The following SLC44A5 variants were observed in gnomAD, a reference collection of about 807,000 sequenced individuals.
SLC44A5 encodes solute carrier family 44 member 5, also known as choline transporter-like protein 5.
In SLC44A5, 57 loss-of-function variants were observed where a neutral mutation model predicts 101.8. That is an observed-to-expected ratio of 0.56 (90% CI 0.45 to 0.70). The LOEUF (loss-of-function observed/expected upper bound fraction) is 0.70, where lower values mean the gene tolerates loss of function less well. Among genes scored for constraint, SLC44A5 ranks in the 30% least tolerant of loss-of-function variants. SLC44A5 has a pLI of 0.00. For missense variants in SLC44A5, 737 were observed against 853.1 expected (o/e 0.86, Z 1.70); for synonymous variants, 281 against 290.9 (o/e 0.97, Z 0.35).
At chr1:75,631,539 ATT>A in the SLC44A5 span, among the ~76,000 whole-genome samples, 424 of 80,810 alleles carry the variant, frequency 5.2e-3, 2 homozygotes, top group African/African-American at 0.021. Flanking sequence ...CACCTGGCTA[ATT>A]TTTTTTTTTT....
chr1:75,658,281 G>T, the SLC44A5 span, among the ~76,000 whole-genome samples: 2 of 151,800 alleles, frequency 1.3e-5, no homozygotes, highest in Admixed American at 1.3e-4. Flanking sequence ...TCACCATGTT[G>T]CCCGAGCTGG....
intron 3 of SLC44A5, among the ~76,000 whole-genome samples, chr1:75,345,234 G>A (rs1347520724): frequency 6.6e-6 from 1 of 151,994 alleles, no homozygotes; most frequent in Non-Finnish European, 1.5e-5. Flanking sequence ...TAATGTCAAG[G>A]CAAGTAGAAG....
chr1:75,606,159 C>A (rs1295789761), intron 1 of SLC44A5, among the ~76,000 whole-genome samples: 1 of 151,880 alleles, frequency 6.6e-6, no homozygotes, highest in Non-Finnish European at 1.5e-5. Flanking sequence ...TGGACTGCCA[C>A]AGTCAGCAAC....
the SLC44A5 span, among the ~76,000 whole-genome samples, chr1:75,709,452 C>T: frequency 6.6e-6 from 1 of 152,188 alleles, no homozygotes; most frequent in Non-Finnish European, 1.5e-5. Flanking sequence ...GTTCAAAATA[C>T]TCACATCGCC....
At chr1:75,627,123 G>T in the SLC44A5 span, among the ~76,000 whole-genome samples, 1 of 152,044 alleles carries the variant, frequency 6.6e-6, no homozygotes, top group Non-Finnish European at 1.5e-5. Flanking sequence ...AGAAGTAATG[G>T]TTCCCTTTGT....
intron 22 of SLC44A5, 52 bp from the exon 23 acceptor site, chr1:75,211,604 A>G: frequency 7.7e-7 from 1 of 1,290,494 alleles, no homozygotes; most frequent in African/African-American, 1.5e-5. Context: ...TGACCAGAAG[A>G]AGAATAATGC....
chr1:75,273,466 G>T (rs184991871), intron 6 of SLC44A5, among the ~76,000 whole-genome samples: 32 of 152,090 alleles, frequency 2.1e-4, no homozygotes, highest in Admixed American at 2.1e-3. Flanking sequence ...GTTCTCAGGG[G>T]GAATGCTTTC....
At chr1:75,660,311 TG>T in the SLC44A5 span, among the ~76,000 whole-genome samples, 1 of 152,128 alleles carries the variant, frequency 6.6e-6, no homozygotes, top group Non-Finnish European at 1.5e-5. Context: ...TTTGACAAAC[TG>T]GATATAGAAG....
intron 3 of SLC44A5, among the ~76,000 whole-genome samples, chr1:75,375,304 CAAAT>C (rs966403769): frequency 3.3e-5 from 5 of 152,152 alleles, no homozygotes; most frequent in African/African-American, 1.2e-4. Context: ...CAGACAAAAA[CAAAT>C]AAAAAAGAAT....
At chr1:75,376,472 G>A (rs1384907800) in intron 3 of SLC44A5, among the ~76,000 whole-genome samples, 1 of 152,198 alleles carries the variant, frequency 6.6e-6, no homozygotes, top group Non-Finnish European at 1.5e-5. Context: ...GGTTCTCCCA[G>A]CACGCAGCTG....
At chr1:75,219,058 T>C (rs1180438524) in intron 16 of SLC44A5, among the ~76,000 whole-genome samples, 199 bp downstream of exon 16, 1 of 152,090 alleles carries the variant, frequency 6.6e-6, no homozygotes, top group Non-Finnish European at 1.5e-5. Flanking sequence ...GCTCAGGAAA[T>C]ACAGTGCTTT....
chr1:75,241,420 G>C (rs1648620853), intron 9 of SLC44A5, among the ~76,000 whole-genome samples: 1 of 151,762 alleles, frequency 6.6e-6, no homozygotes, highest in African/African-American at 2.4e-5. Flanking sequence ...TAGAGACAGG[G>C]TTTCACTATG....
the SLC44A5 span, among the ~76,000 whole-genome samples, chr1:75,657,019 C>T: frequency 0.26 from 39,184 of 151,934 alleles, 5,406 homozygotes; most frequent in Middle Eastern, 0.37. Flanking sequence ...CATGGTGGTG[C>T]ACACCTGTAG....
chr1:75,361,606 T>C (rs187676942), intron 3 of SLC44A5, among the ~76,000 whole-genome samples: 17 of 152,184 alleles, frequency 1.1e-4, no homozygotes, highest in Admixed American at 2.6e-4. Context: ...GAGATAATCA[T>C]TTAGTTTTTG....
intron 4 of SLC44A5, among the ~76,000 whole-genome samples, chr1:75,314,909 A>C (rs1030655568): frequency 6.6e-6 from 1 of 152,156 alleles, no homozygotes; most frequent in Non-Finnish European, 1.5e-5. Context: ...CTGTCTCATC[A>C]TGCTGCAAAG....
chr1:75,234,845 C>G, intron 11 of SLC44A5, among the ~76,000 whole-genome samples: 1 of 151,968 alleles, frequency 6.6e-6, no homozygotes, highest in East Asian at 1.9e-4. Flanking sequence ...TCTTTTCCTC[C>G]CATATATCCA....
intron 1 of SLC44A5, among the ~76,000 whole-genome samples, chr1:75,560,723 G>T (rs1280243714): frequency 6.6e-6 from 1 of 152,144 alleles, no homozygotes; most frequent in Non-Finnish European, 1.5e-5. Context: ...AGTGCCTCCA[G>T]AGATGGAAGA....
At chr1:75,413,714 G>A (rs1376265773) in intron 2 of SLC44A5, among the ~76,000 whole-genome samples, 1 of 152,138 alleles carries the variant, frequency 6.6e-6, no homozygotes, top group African/African-American at 2.4e-5. Context: ...CAATAGATCT[G>A]TTATCCACAA....
At chr1:75,476,466 G>A (rs200202202) in intron 2 of SLC44A5, among the ~76,000 whole-genome samples, 1 of 152,226 alleles carries the variant, frequency 6.6e-6, no homozygotes, top group Non-Finnish European at 1.5e-5. Flanking sequence ...CACTCGGGAA[G>A]TGCAAGGGGT....
Sources: allele counts gnomAD v4.1 joint callset (sites outside exome capture counted in the v4.1 genomes callset), GRCh38; gene constraint gnomAD v4.1.1; transcripts MANE v1.5; gene names NCBI Gene and HGNC (gene_info 2026-07-23, HGNC 2026-07-21).